The following BRD1 variants were observed in gnomAD, a reference collection of about 807,000 sequenced individuals.
The protein encoded by BRD1 is bromodomain containing 1.
A neutral mutation model predicts 107.7 loss-of-function variants in BRD1; 24 were observed. The ratio of observed to expected loss-of-function variants is 0.22; its 90% CI spans 0.16 to 0.31. The LOEUF (loss-of-function observed/expected upper bound fraction) is 0.31, where lower values mean the gene tolerates loss of function less well. Ranked by LOEUF, BRD1 falls within the 10% of genes least tolerant of loss-of-function variation. The pLI, the probability that BRD1 is intolerant of heterozygous loss-of-function variation, is 1.00. For missense variants in BRD1, 1,279 were observed against 1,638.6 expected (o/e 0.78, Z 3.79); for synonymous variants, 744 against 686.1 (o/e 1.08, Z -1.32).
At chr22:49,789,721 G>A (rs1055022431) in intron 7 of BRD1, among the ~76,000 whole-genome samples, 4 of 152,094 alleles carry the variant, frequency 2.6e-5, no homozygotes, top group African/African-American at 9.7e-5. Context: ...TATCTAACGG[G>A]CACCGTAAAC....
At chr22:49,809,719 G>A (rs2059814399) in intron 2 of BRD1, among the ~76,000 whole-genome samples, 1 of 152,134 alleles carries the variant, frequency 6.6e-6, no homozygotes, top group African/African-American at 2.4e-5. Context: ...AGAGGGCTAT[G>A]AGGGCTACTG....
At chr22:49,795,345 C>G (rs1165857798) in intron 6 of BRD1, among the ~76,000 whole-genome samples, 1 of 152,218 alleles carries the variant, frequency 6.6e-6, no homozygotes, top group Non-Finnish European at 1.5e-5. Flanking sequence ...GGTGCACCCT[C>G]AAGGCACACC....
At chr22:49,816,836 A>G (rs1272059475) in intron 2 of BRD1, among the ~76,000 whole-genome samples, 4 of 152,228 alleles carry the variant, frequency 2.6e-5, no homozygotes, top group Non-Finnish European at 5.9e-5. Flanking sequence ...CCTACCCTGC[A>G]GGGAATAGTA....
intron 1 of BRD1, among the ~76,000 whole-genome samples, chr22:49,827,109 C>T (rs2060155183): frequency 6.6e-6 from 1 of 151,892 alleles, no homozygotes; most frequent in Admixed American, 6.5e-5. Context: ...TAAGGGGCGG[C>T]CCGGCCGGCT....
At chr22:49,816,428 C>A (rs576956415) in intron 2 of BRD1, among the ~76,000 whole-genome samples, 6 of 152,308 alleles carry the variant, frequency 3.9e-5, no homozygotes, top group African/African-American at 1.4e-4. Flanking sequence ...GGACTCAACG[C>A]CCCCAAGACA....
chr22:49,777,115 G>C lies in BRD1; in HGVS notation c.3040C>G (p.Arg1014Gly). 5 of 1,613,354 alleles carry C rather than the reference G, an allele frequency of 3.1e-6. No homozygotes were observed. The highest frequency in any genetic ancestry group is 1.3e-5 in the African/African-American group (1 of 75,080). The change falls in exon 10 of 13, where the codon CGG becomes GGG. Residue 1014 changes from arginine (R) to glycine (G), a missense_variant. This residue lies in a region of BRD1 where 263 missense variants were observed against 251.6 expected (regional missense o/e 1.05). Coordinates refer to ENST00000404760, the MANE Select transcript of BRD1 (RefSeq NM_001304808.3). ...TCACTGCGGTCCTCCAGCGTGTGCC[G>C]TCGCACAAGAGCCGGTTTGCCCCGC... Reference protein sequence around the residue: ...CGRGKPALVRRHTLEDRSELI... With the variant: ...CGRGKPALVRGHTLEDRSELI...
chr22:49,793,072 A>C (rs1463131625), intron 7 of BRD1, among the ~76,000 whole-genome samples: 1 of 152,226 alleles, frequency 6.6e-6, no homozygotes, highest in African/African-American at 2.4e-5. Context: ...AAGGGCAAGA[A>C]GGCTGAGAAC....
chr22:49,787,394 G>C lies in BRD1; in HGVS notation c.2853C>G (p.Asp951Glu). Reference protein sequence around the residue: ...VEEESPGKRLDAGLTNGFGGA... With the variant: ...VEEESPGKRLEAGLTNGFGGA... ...AGGGCCGCCCGCGGCATTTACCTGCGTCCAGGCGCTTTCCTGGGGACTCCT... is the reference window on the plus strand; with the variant it reads ...AGGGCCGCCCGCGGCATTTACCTGCCTCCAGGCGCTTTCCTGGGGACTCCT... Residue 951 changes from aspartate (D) to glutamate (E), a missense_variant, in exon 8 of 13, where the codon GAC becomes GAG. Transcript: ENST00000404760. The C allele has an allele frequency of 1.2e-6, 2 of 1,606,372 alleles. No individual in the cohort carries two copies. The highest frequency in any genetic ancestry group is 1.7e-6 in the Non-Finnish European group (2 of 1,177,650).
chr22:49,820,262 C>T (rs2060040402), intron 2 of BRD1, among the ~76,000 whole-genome samples: 1 of 152,244 alleles, frequency 6.6e-6, no homozygotes, highest in Admixed American at 6.5e-5. Flanking sequence ...GGAAGATCCT[C>T]TTTCTCTAAA....
At chr22:49,812,926 G>A (rs917061833) in intron 2 of BRD1, among the ~76,000 whole-genome samples, 1 of 152,130 alleles carries the variant, frequency 6.6e-6, no homozygotes, top group Non-Finnish European at 1.5e-5. Context: ...TGGAGACAAG[G>A]GGTGCCCTCC....
intron 10 of BRD1, 122 bp downstream of exon 10, chr22:49,776,912 C>A (rs1306232408): frequency 7.0e-7 from 1 of 1,431,564 alleles, no homozygotes; most frequent in African/African-American, 1.4e-5. Flanking sequence ...GGAGGTTGGC[C>A]AGGGTGGGGC....
intron 2 of BRD1, among the ~76,000 whole-genome samples, chr22:49,822,524 A>G (rs1310757300): frequency 6.6e-6 from 1 of 151,818 alleles, no homozygotes; most frequent in Non-Finnish European, 1.5e-5. Context: ...CCTAGCCAAC[A>G]TGGTGAAACC....
In BRD1 at chr22:49,776,076, T is replaced by C; in HGVS notation, c.3205A>G (p.Ser1069Gly). The change falls in exon 11 of 13, where the codon AGC (serine) becomes GGC (glycine). Residue 1069 changes from serine to glycine, a missense_variant. Ser to Gly is a moderately conservative substitution (Grantham distance 56). Around this residue, in one of 7 missense-constraint regions of BRD1, gnomAD observed 136 missense variants for 196.8 expected, o/e 0.69. Coordinates refer to ENST00000404760, the MANE Select transcript of BRD1 (RefSeq NM_001304808.3). ...EPLKVVWAKCSGYPSYPALII... is the reference protein window; with the variant it reads ...EPLKVVWAKCGGYPSYPALII... ...AGTGCCGGGTAGGAGGGGTAGCCGC[T>C]GCACTTGGCCCACACCACCTTCAGA... 1 of 1,589,230 alleles carries C rather than the reference T, an allele frequency of 6.3e-7. No homozygotes were observed. Among genetic ancestry groups the C allele is most frequent in the Non-Finnish European group, 8.5e-7 (1 of 1,173,034 alleles).
rs1249538212 is a variant in BRD1, at chr22:49,783,322, A to G, written c.2857+4068T>C. On this transcript the variant is annotated intron_variant, in intron 8 of 12. Transcript: ENST00000404760. This position sits in a 1 kb window ranked among gnomAD's most constrained non-coding sequence, Gnocchi z 4.2. ...AGCACTGCTCAAGAATCCACTGGGCATTGTGGGGAAAAAACAGAGGAAGGG... is the reference window on the plus strand; with the variant it reads ...AGCACTGCTCAAGAATCCACTGGGCGTTGTGGGGAAAAAACAGAGGAAGGG... Among the ~76,000 whole-genome samples the G allele has an allele frequency of 6.6e-6, 1 of 152,236 alleles. No individual in the cohort carries two copies. Among genetic ancestry groups the G allele is most frequent in the Non-Finnish European group, 1.5e-5 (1 of 68,032 alleles).
At chr22:49,814,365 A>G (rs989761263) in intron 2 of BRD1, among the ~76,000 whole-genome samples, 1 of 152,150 alleles carries the variant, frequency 6.6e-6, no homozygotes, top group African/African-American at 2.4e-5. Flanking sequence ...CCGTGCCCAC[A>G]TCCATCGCTC....
rs2059025075 is a variant in BRD1 at position 49,773,304 on chromosome 22, T to C, written c.*929A>G. 6.6e-6 allele frequency: 1 copy of C among 152,200 alleles called. No homozygotes were observed. The highest frequency in any genetic ancestry group is 6.5e-5 in the Admixed American group (1 of 15,280). 9.4% of individuals were successfully genotyped at this position (152,200 alleles called of 1,614,324 possible). A position where few individuals can be genotyped will look rare whatever the true frequency, so the allele number is the denominator to read the frequency against. On this transcript the variant is annotated 3_prime_UTR_variant, in exon 13 of 13. Transcript: ENST00000404760. Reference sequence around the variant, plus strand: ...ACCGTCCAAATCTTGACTTTATTTTTAATATAAAAAATGCAAATTTGGAAA... The same window carrying C: ...ACCGTCCAAATCTTGACTTTATTTTCAATATAAAAAATGCAAATTTGGAAA...
At chr22:49,810,751 G>A (rs911876772) in intron 2 of BRD1, among the ~76,000 whole-genome samples, 8 of 152,192 alleles carry the variant, frequency 5.3e-5, no homozygotes, top group African/African-American at 1.7e-4. Context: ...ACCCCCGAGC[G>A]ATCGCTGCCC....
chr22:49,811,829 A>G (rs1158740962), intron 2 of BRD1, among the ~76,000 whole-genome samples: 1 of 152,206 alleles, frequency 6.6e-6, no homozygotes, highest in Non-Finnish European at 1.5e-5. Context: ...GCACAGGCGA[A>G]TTCAGCCGGC....
intron 7 of BRD1, among the ~76,000 whole-genome samples, chr22:49,788,791 T>C (rs1465527301): frequency 6.6e-6 from 1 of 152,184 alleles, no homozygotes; most frequent in South Asian, 2.1e-4. Context: ...AAGTGTGACA[T>C]AAAACCAAGG....
Sources: gnomAD v4.1 joint callset for allele counts (sites outside exome capture counted in the v4.1 genomes callset) on GRCh38, gnomAD v4.1.1 for gene constraint, gnomAD v4.1.1 regional missense constraint, Gnocchi (gnomAD v3.1) non-coding constraint, MANE v1.5 for transcripts, NCBI Gene and HGNC (gene_info 2026-07-23, HGNC 2026-07-21) for gene names.